TMEM260: variants seen among roughly 807,000 people sequenced by gnomAD.
TMEM260 encodes protein O-mannosyl-transferase TMEM260.
Under a neutral mutation model 88.9 loss-of-function variants are expected in TMEM260, and 82 were observed. The ratio of observed to expected loss-of-function variants is 0.92; its 90% CI spans 0.77 to 1.11. The LOEUF is 1.11. Ranked by LOEUF, TMEM260 falls within the 50% of genes least tolerant of loss-of-function variation. TMEM260 has a pLI of 0.00. For synonymous variants in TMEM260, 314 were observed against 309.3 expected, an observed-to-expected ratio of 1.02 and a Z score of -0.16; for missense variants, 902 against 853.4, an observed-to-expected ratio of 1.06 and a Z score of -0.71.
chr14:56,622,980 C>G (rs1888027158), intron 11 of TMEM260, among the ~76,000 whole-genome samples: 1 of 152,122 alleles, frequency 6.6e-6, no homozygotes, highest in African/African-American at 2.4e-5. Context: ...TGATTTTAAA[C>G]ACTGTTTAGA....
At chr14:56,632,847 A>G (rs1888720448) in intron 12 of TMEM260, 148 bp from the exon 13 acceptor site, 1 of 657,704 alleles carries the variant, frequency 1.5e-6, no homozygotes, top group African/African-American at 1.8e-5. Flanking sequence ...TGAGAAGACT[A>G]AACACAGGTA....
chr14:56,656,801 GAA>G, the TMEM260 span, among the ~76,000 whole-genome samples: 1 of 151,902 alleles, frequency 6.6e-6, no homozygotes, highest in Non-Finnish European at 1.5e-5. Context: ...CTGGGAATTA[GAA>G]GAGAGTAACC....
chr14:56,608,659 AATC>A (rs1887061620), intron 5 of TMEM260, among the ~76,000 whole-genome samples: 2 of 151,710 alleles, frequency 1.3e-5, no homozygotes, highest in South Asian at 4.2e-4. Context: ...GTCAACATAT[AATC>A]ATAGTAATAT....
chr14:56,647,685 A>G lies in TMEM260; in HGVS notation c.*188A>G, dbSNP rs764801935. The G allele has an allele frequency of 3.3e-6, 2 of 599,464 alleles. No homozygotes were observed. The highest frequency in any genetic ancestry group is 2.5e-5 in the South Asian group (1 of 39,360). The allele number at this position is 599,464 out of a possible 1,614,324, so 37.1% of individuals were successfully genotyped here. ...GACTAAGGTCTGCTATTTATGCAAA[A>G]TTCTGTTTATCCCGTGTTACCAAAT... On this transcript the variant is annotated 3_prime_UTR_variant, in exon 16 of 16. Coordinates refer to ENST00000261556, the MANE Select transcript of TMEM260 (RefSeq NM_017799.4).
rs1884989266 is a variant in TMEM260 at position 56,579,891 on chromosome 14, T to G, written c.-24T>G. 8.1e-7 allele frequency: 1 copy of G among 1,232,088 alleles called. No homozygotes were observed. Among genetic ancestry groups the G allele is most frequent in the South Asian group, 4.1e-5 (1 of 24,324 alleles). 76.3% of individuals were successfully genotyped at this position (1,232,088 alleles called of 1,614,324 possible). ...CCGGGTTCTTGGGCTGGCCGTGTCC[T>G]TCTCCCTCGGTCGCCACTGGCCCAT... On this transcript the variant is annotated 5_prime_UTR_variant, in exon 1 of 16. Transcript: ENST00000261556.
chr14:56,607,913 C>T (rs1887014875), intron 5 of TMEM260, among the ~76,000 whole-genome samples: 1 of 152,194 alleles, frequency 6.6e-6, no homozygotes, highest in South Asian at 2.1e-4. Flanking sequence ...TTATTTCTCA[C>T]ACAAAAGGAA....
the TMEM260 span, among the ~76,000 whole-genome samples, chr14:56,658,707 C>T: frequency 6.6e-6 from 1 of 151,996 alleles, no homozygotes; most frequent in African/African-American, 2.4e-5. Flanking sequence ...AGTGTGGGAT[C>T]CTGGATTCAA....
In TMEM260 at chr14:56,596,406, G is replaced by GTGTGTGTGTATATA. The variant is rs1290307932; in HGVS notation, c.345-7408_345-7407insGTGTGTGTATATAT. On this transcript the variant is annotated intron_variant, in intron 3 of 15. Coordinates refer to ENST00000261556, the MANE Select transcript of TMEM260 (RefSeq NM_017799.4). ...AGTGTGTGTGTGTGTGTGTGTGTGT[G>GTGTGTGTGTATATA]TATATATATATATATATATACATAC... Among the ~76,000 whole-genome samples the GTGTGTGTGTATATA allele has an allele frequency of 2.2e-4, 25 of 111,324 alleles. No homozygotes were observed. The East Asian group carries it at 2.8e-3, about 13-fold the overall frequency. 73.0% of individuals were successfully genotyped at this position (111,324 alleles called of 152,430 possible). A position where few individuals can be genotyped will look rare whatever the true frequency, so the allele number is the denominator to read the frequency against.
At chr14:56,612,307 CTACTT>C in intron 7 of TMEM260, 22 bp downstream of exon 7, 1 of 1,595,026 alleles carries the variant, frequency 6.3e-7, no homozygotes, top group East Asian at 2.2e-5. Flanking sequence ...ATATTTGAAA[CTACTT>C]TAAAATGAAT....
Position 56,633,754 on chromosome 14 carries a change from G to A in TMEM260, c.1724+583G>A, listed in dbSNP as rs373121985. Among the ~76,000 whole-genome samples the A allele has an allele frequency of 7.4e-4, 112 of 152,080 alleles. 2 individuals are homozygous for A. Among genetic ancestry groups the A allele is most frequent in the African/African-American group, 2.5e-3 (105 of 41,484 alleles). ...TAAATAGAAAATGAGTCACTATCTA[G>A]GCTGCTCTATCTATGGAGTAGTGAT... On this transcript the variant is annotated intron_variant, in intron 13 of 15. Coordinates refer to ENST00000261556, the MANE Select transcript of TMEM260 (RefSeq NM_017799.4).
the TMEM260 span, among the ~76,000 whole-genome samples, chr14:56,658,988 C>T: frequency 6.6e-6 from 1 of 152,158 alleles, no homozygotes; most frequent in Non-Finnish European, 1.5e-5. Context: ...CCTCAGCCTC[C>T]CAAAGTGCTG....
chr14:56,612,157 C>G (rs953685740), intron 6 of TMEM260, 88 bp from the exon 7 acceptor site: 5 of 1,315,938 alleles, frequency 3.8e-6, no homozygotes, highest in African/African-American at 1.5e-5. Flanking sequence ...TAAGAAAACC[C>G]GAATCTTTTA....
intron 3 of TMEM260, among the ~76,000 whole-genome samples, chr14:56,590,091 G>T (rs529110275): frequency 1.1e-4 from 17 of 152,172 alleles, no homozygotes; most frequent in Non-Finnish European, 2.2e-4. Flanking sequence ...CCATTCAGGA[G>T]AATATCTGTC....
At chr14:56,613,735 A>G (rs1048649432) in intron 7 of TMEM260, 2 of 150,526 alleles carry the variant, frequency 1.3e-5, no homozygotes, top group Non-Finnish European at 1.5e-5. Context: ...TCGCTGGGGG[A>G]ATGTAACAAG....
intron 11 of TMEM260, among the ~76,000 whole-genome samples, chr14:56,622,029 T>A (rs908609263): frequency 6.6e-6 from 1 of 152,162 alleles, no homozygotes; most frequent in African/African-American, 2.4e-5. Flanking sequence ...TGTTGTATGG[T>A]AAATCTATTT....
downstream of TMEM260, among the ~76,000 whole-genome samples, chr14:56,653,321 CAT>C (rs552438087): frequency 5.1e-4 from 77 of 152,284 alleles, no homozygotes; most frequent in African/African-American, 1.2e-3. Flanking sequence ...GTGTGTATAA[CAT>C]ATATGTCATA....
intron 3 of TMEM260, among the ~76,000 whole-genome samples, chr14:56,601,218 A>C (rs1323759298): frequency 6.6e-6 from 1 of 152,214 alleles, no homozygotes; most frequent in Non-Finnish European, 1.5e-5. Context: ...TAATGTCAAC[A>C]GTTCAAATGC....
chr14:56,619,733 CTTAACTTTAAAAACCAATG>C (rs1887798726), intron 10 of TMEM260, among the ~76,000 whole-genome samples: 1 of 152,132 alleles, frequency 6.6e-6, no homozygotes, highest in Admixed American at 6.5e-5. Context: ...TCTCTTTTAA[CTTAACTTTAAAAACCAATG>C]TTCTTACCAT....
chr14:56,646,849 G>A (rs1193396741), intron 15 of TMEM260, among the ~76,000 whole-genome samples: 1 of 142,450 alleles, frequency 7.0e-6, no homozygotes, highest in African/African-American at 2.9e-5. Flanking sequence ...TCTAAAGAAA[G>A]CTGTTTTTTT....
Sources: gnomAD v4.1 joint callset for allele counts (sites outside exome capture counted in the v4.1 genomes callset) on GRCh38, gnomAD v4.1.1 for gene constraint, MANE v1.5 for transcripts, NCBI Gene and HGNC (gene_info 2026-07-23, HGNC 2026-07-21) for gene names.